STPG2: variants seen among roughly 807,000 people sequenced by gnomAD.
STPG2 encodes sperm tail PG-rich repeat containing 2, also known as sperm-tail PG-rich repeat-containing protein 2.
In STPG2, 56 loss-of-function variants were observed where a neutral mutation model predicts 54.2. The ratio of observed to expected loss-of-function variants is 1.03; its 90% CI spans 0.83 to 1.29. The LOEUF (loss-of-function observed/expected upper bound fraction) is 1.29. STPG2 is among the 50% of genes most tolerant of loss of function. The probability of loss-of-function intolerance (pLI) is 0.00; values close to 1 mark genes in which losing one functional copy is unlikely to be tolerated. For missense variants in STPG2, 596 were observed against 544.9 expected (o/e 1.09, Z -0.93); for synonymous variants, 200 against 181.8 (o/e 1.10, Z -0.81).
chr4:97,888,348 C>T (rs1389382897), intron 8 of STPG2, among the ~76,000 whole-genome samples: 1 of 152,176 alleles, frequency 6.6e-6, no homozygotes, highest in Admixed American at 6.5e-5. Context: ...GGGCTGAGCC[C>T]TTCAGAGCCA....
chr4:97,735,846 C>A (rs1254095667), intron 9 of STPG2, among the ~76,000 whole-genome samples: 4 of 151,728 alleles, frequency 2.6e-5, no homozygotes, highest in African/African-American at 2.4e-5. Context: ...AACTCAATAG[C>A]AAAAACACAA....
At chr4:97,623,905 T>G (rs1364984168) in intron 10 of STPG2, among the ~76,000 whole-genome samples, 1 of 152,212 alleles carries the variant, frequency 6.6e-6, no homozygotes, top group African/African-American at 2.4e-5. Context: ...TTTCTGTTTC[T>G]GCATTAGTTT....
intron 9 of STPG2, among the ~76,000 whole-genome samples, chr4:97,742,183 G>C (rs1411577914): frequency 6.6e-6 from 1 of 151,878 alleles, no homozygotes; most frequent in Non-Finnish European, 1.5e-5. Context: ...ATGGACACAG[G>C]AAGGAGAACA....
At chr4:97,829,022 C>T (rs1376040227) in intron 9 of STPG2, among the ~76,000 whole-genome samples, 1 of 152,144 alleles carries the variant, frequency 6.6e-6, no homozygotes, top group Non-Finnish European at 1.5e-5. Flanking sequence ...TGAGTCTCTG[C>T]TAAGGGTCAG....
chr4:97,971,695 G>A (rs1734331976), intron 7 of STPG2, among the ~76,000 whole-genome samples: 3 of 152,050 alleles, frequency 2.0e-5, no homozygotes, highest in Admixed American at 1.3e-4. Flanking sequence ...AATACCTAAT[G>A]TAACTGATGA....
intron 8 of STPG2, among the ~76,000 whole-genome samples, chr4:97,859,506 C>G (rs1159104344): frequency 2.0e-5 from 3 of 149,196 alleles, no homozygotes. Flanking sequence ...CTCTGTCGCC[C>G]AGGCAGGGAG....
In STPG2 at chr4:97,964,827, A is replaced by G. The variant is rs146188612; in HGVS notation, c.933+7453T>C. ...ACTGAATTGAAATATGAATCTCTGCAGTTTTCACCTATTGGTCTTGACAGA... is the reference window on the plus strand; with the variant it reads ...ACTGAATTGAAATATGAATCTCTGCGGTTTTCACCTATTGGTCTTGACAGA... On this transcript the variant is annotated intron_variant, in intron 7 of 10. Coordinates refer to ENST00000295268, the MANE Select transcript of STPG2 (RefSeq NM_174952.3). Among the ~76,000 whole-genome samples, 1,233 of 152,322 alleles carry G rather than the reference A, an allele frequency of 8.1e-3. 24 individuals are homozygous for G. Among genetic ancestry groups the G allele is most frequent in the Admixed American group, 0.014 (219 of 15,300 alleles).
At chr4:97,564,579 T>G (rs1173381812) in intron 10 of STPG2, among the ~76,000 whole-genome samples, 1 of 152,222 alleles carries the variant, frequency 6.6e-6, no homozygotes, top group Non-Finnish European at 1.5e-5. Flanking sequence ...TACTGGTTGT[T>G]CCTTTCCATG....
intron 6 of STPG2, among the ~76,000 whole-genome samples, chr4:97,974,535 A>C (rs572175641): frequency 2.0e-5 from 3 of 152,286 alleles, no homozygotes; most frequent in Admixed American, 6.5e-5. Flanking sequence ...TGTAGCTCCC[A>C]CAATTCTTAT....
Position 98,143,338 on chromosome 4 carries a change from A to G in STPG2, c.-188T>C. On this transcript the variant is annotated 5_prime_UTR_variant, in exon 1 of 11. Transcript: ENST00000295268. ...GCTCATTGATACCAGATTTCCTCAA[A>G]TCGATTTCTAGCTCTGTGGTAAAGT... The G allele has an allele frequency of 1.7e-6, 1 of 574,604 alleles. No homozygotes were observed. Among genetic ancestry groups the G allele is most frequent in the Non-Finnish European group, 3.1e-6 (1 of 320,304 alleles). 35.6% of individuals were successfully genotyped at this position (574,604 alleles called of 1,614,324 possible).
In STPG2 at chr4:97,537,583, A is replaced by T. The variant is rs565760016; in HGVS notation, c.462+175116T>A. Among the ~76,000 whole-genome samples, 6 of 152,330 alleles carry T rather than the reference A, an allele frequency of 3.9e-5. No individual in the cohort carries two copies. In the East Asian group the frequency reaches 1.2e-3, roughly 29 times the overall value. On this transcript the variant is annotated intron_variant, in intron 4 of 4. Transcript: ENST00000522676. ...GGGTGGAGCCCACCTCAGCTCAAGG[A>T]GGCCTGCCTGCTTCTGTAGACTCCA...
intron 6 of STPG2, among the ~76,000 whole-genome samples, chr4:97,974,266 C>T (rs1734432049): frequency 6.6e-6 from 1 of 152,186 alleles, no homozygotes; most frequent in African/African-American, 2.4e-5. Flanking sequence ...TGTGTTTACC[C>T]AAGGCCTGTA....
intron 7 of STPG2, 135 bp downstream of exon 7, chr4:97,972,145 T>C (rs1734349185): frequency 1.9e-6 from 1 of 521,996 alleles, no homozygotes; most frequent in Admixed American, 4.3e-5. Flanking sequence ...TTTCTCCTAC[T>C]TTCCTTAACA....
At chr4:97,960,051 G>A (rs1733829251) in intron 7 of STPG2, among the ~76,000 whole-genome samples, 1 of 152,044 alleles carries the variant, frequency 6.6e-6, no homozygotes, top group African/African-American at 2.4e-5. Flanking sequence ...ATATATGCAA[G>A]TCAATAATTG....
At chr4:97,461,571 A>G (rs1393305301) in intron 4 of STPG2, among the ~76,000 whole-genome samples, 4 of 152,176 alleles carry the variant, frequency 2.6e-5, no homozygotes, top group Non-Finnish European at 4.4e-5. Context: ...CCATGCTCGC[A>G]TGGATCTCAG....
At chr4:97,638,151 G>A (rs928422870) in intron 10 of STPG2, among the ~76,000 whole-genome samples, 42 of 152,164 alleles carry the variant, frequency 2.8e-4, no homozygotes, top group Middle Eastern at 3.4e-3. Flanking sequence ...CAGAGATATA[G>A]ATCAATGGAA....
At chr4:97,845,648 C>T (rs1312935992) in intron 8 of STPG2, among the ~76,000 whole-genome samples, 1 of 152,106 alleles carries the variant, frequency 6.6e-6, no homozygotes, top group Non-Finnish European at 1.5e-5. Flanking sequence ...ATCAAAATAG[C>T]TACACCAATG....
rs1245919033 is a variant in STPG2 at position 97,679,631 on chromosome 4, C to T, written c.1320+33068G>A. Among the ~76,000 whole-genome samples, 37 of 152,112 alleles carry T rather than the reference C, an allele frequency of 2.4e-4. No homozygotes were observed. In the East Asian group the frequency reaches 3.1e-3, roughly 13 times the overall value. On this transcript the variant is annotated intron_variant, in intron 10 of 10. Coordinates refer to ENST00000295268, the MANE Select transcript of STPG2 (RefSeq NM_174952.3). Reference sequence around the variant, plus strand: ...GCTGTGCAGAAGCTCTTTAGTTTAACGAGATCCCATTTGTCAATTTTGGCT... The same window carrying T: ...GCTGTGCAGAAGCTCTTTAGTTTAATGAGATCCCATTTGTCAATTTTGGCT...
intron 4 of STPG2, among the ~76,000 whole-genome samples, chr4:97,478,346 T>G (rs1164852073): frequency 2.0e-5 from 3 of 152,038 alleles, no homozygotes; most frequent in Non-Finnish European, 2.9e-5. Context: ...ATCAGAAAAA[T>G]GTAGGGCTTA....
Sources: allele counts gnomAD v4.1 joint callset (sites outside exome capture counted in the v4.1 genomes callset), GRCh38; gene constraint gnomAD v4.1.1; transcripts MANE v1.5; gene names NCBI Gene and HGNC (gene_info 2026-07-23, HGNC 2026-07-21).